The following ADSS1 variants were observed in gnomAD, a reference collection of about 807,000 sequenced individuals.
The protein encoded by ADSS1 is adenylosuccinate synthetase isozyme 1.
ADSS1 carries 57 observed loss-of-function variants against 59.1 expected under a neutral mutation model. The ratio of observed to expected loss-of-function variants is 0.97; its 90% confidence interval spans 0.78 to 1.20. ADSS1 has a LOEUF of 1.20. Ranked by LOEUF, ADSS1 falls within the 50% of genes most tolerant of loss-of-function variation. The pLI, the probability that ADSS1 is intolerant of heterozygous loss-of-function variation, is 0.00. For missense variants in ADSS1, 603 were observed against 610.3 expected, an observed-to-expected ratio of 0.99 and a Z score of 0.13; for synonymous variants, 247 against 249.4, an observed-to-expected ratio of 0.99 and a Z score of 0.09.
At chr14:104,733,315 TCCTGC>T (rs1228414204) in intron 1 of ADSS1, among the ~76,000 whole-genome samples, 1 of 152,136 alleles carries the variant, frequency 6.6e-6, no homozygotes, top group African/African-American at 2.4e-5. Context: ...AGGTGGGGAC[TCCTGC>T]CCTGCGAAGG....
chr14:104,738,404 C>T lies in ADSS1; in HGVS notation c.324C>T (p.Gly108=). The T allele has an allele frequency of 6.2e-7, 1 of 1,614,006 alleles. No homozygotes were observed. Among genetic ancestry groups the T allele is most frequent in the East Asian group, 2.2e-5 (1 of 44,884 alleles). Residue 108 remains glycine (G), a synonymous_variant, in exon 3 of 13, where the codon GGC becomes GGT. Transcript: ENST00000330877. ...ACGGGGTGGTCATCCACTTGCCAGG[C>T]TTGTTTGAGGAAGCAGAGAAGAATG... ...IGNGVVIHLP[G]LFEEAEKNEK...
chr14:104,741,010 G>A, intron 7 of ADSS1, 90 bp downstream of exon 7: 1 of 1,606,004 alleles, frequency 6.2e-7, no homozygotes, highest in Non-Finnish European at 8.5e-7. Context: ...CACCCTTGGG[G>A]CACACCTGAT....
intron 1 of ADSS1, 43 bp downstream of exon 1, chr14:104,724,505 G>GC: frequency 2.7e-6 from 3 of 1,092,658 alleles, no homozygotes; most frequent in Non-Finnish European, 3.4e-6. Flanking sequence ...CGCCCAGCGA[G>GC]CCCCCCTCCC....
rs779728240 is a variant in ADSS1 at position 104,746,377 on chromosome 14, G to T, written c.1313G>T (p.Gly438Val). ...NYIRFVENHV[G>V]VAVKWVGVGK... ...ATCCGCTTTGTGGAGAATCACGTGGGAGTCGCAGGTGGGTGCCCTGCATCC... is the reference window on the plus strand; with the variant it reads ...ATCCGCTTTGTGGAGAATCACGTGGTAGTCGCAGGTGGGTGCCCTGCATCC... The change falls in exon 12 of 13, where the codon GGA (glycine) becomes GTA (valine). Residue 438 changes from glycine (G) to valine (V), a missense_variant. Gly to Val is a moderately radical substitution (Grantham distance 109). Transcript: ENST00000330877. The T allele has an allele frequency of 4.8e-5, 78 of 1,611,530 alleles. No individual in the cohort carries two copies. The highest frequency in any genetic ancestry group is 6.4e-5 in the Non-Finnish European group (76 of 1,178,634).
At position 104,740,419 on chromosome 14, in the gene ADSS1, C is replaced by T. The variant is rs970561528; in HGVS notation, c.477-182C>T. Among the ~76,000 whole-genome samples, 6 of 152,196 alleles carry T rather than the reference C, an allele frequency of 3.9e-5. No individual in the cohort carries two copies. In the South Asian group the frequency reaches 6.2e-4, roughly 16 times the overall value. On this transcript the variant is annotated intron_variant, in intron 5 of 12. Transcript: ENST00000330877. This position sits in a 1 kb window ranked among gnomAD's most constrained non-coding sequence, Gnocchi z 4.8. ...GCACACATCCACCCACAGGCACACA[C>T]CATACCAGTACATCCATGCTAGTGC...
In ADSS1 at chr14:104,730,379, A is replaced by G. The variant is rs146201757; in HGVS notation, c.193-4641A>G. Among the ~76,000 whole-genome samples, 589 of 152,254 alleles carry G rather than the reference A, an allele frequency of 3.9e-3. 5 individuals carry two copies. Among genetic ancestry groups the G allele is most frequent in the African/African-American group, 0.014 (571 of 41,538 alleles). ...CTGGTGGGCGCCTGTAGTCCCAGCT[A>G]CTGGGGAGGGTGAGGTGGTAGAATA... On this transcript the variant is annotated intron_variant, in intron 1 of 12. Transcript: ENST00000330877.
At position 104,746,288 on chromosome 14, in the gene ADSS1, G is replaced by A; in HGVS notation, c.1224G>A (p.Gly408=). 1 of 1,613,800 alleles carries A rather than the reference G, an allele frequency of 6.2e-7. No individual in the cohort carries two copies. Among genetic ancestry groups the A allele is most frequent in the Non-Finnish European group, 8.5e-7 (1 of 1,179,918 alleles). ...KVEVEYETLP[G]WKADTTGARR... ...AAGTTGAGTATGAAACGCTGCCTGG[G>A]TGGAAAGCAGACACCACAGGCGCCA... The change falls in exon 12 of 13, where the codon GGG becomes GGA. Residue 408 remains glycine (G), a synonymous_variant. Coordinates refer to ENST00000330877, the MANE Select transcript of ADSS1 (RefSeq NM_152328.5).
intron 2 of ADSS1, chr14:104,737,163 C>CT (rs983680064): frequency 6.6e-6 from 1 of 151,762 alleles, no homozygotes; most frequent in African/African-American, 2.4e-5. Context: ...TCTGGACAAA[C>CT]GTATGCTGTG....
At position 104,740,522 on chromosome 14, in the gene ADSS1, G is replaced by A. The variant is rs1024047678; in HGVS notation, c.477-79G>A. ...GTGGGCACTGGAGTCATGAGCCGGCGGGGGTCATGGCCTCAGTGGGATGCC... is the reference window on the plus strand; with the variant it reads ...GTGGGCACTGGAGTCATGAGCCGGCAGGGGTCATGGCCTCAGTGGGATGCC... On this transcript the variant is annotated intron_variant, in intron 5 of 12. Coordinates refer to ENST00000330877, the MANE Select transcript of ADSS1 (RefSeq NM_152328.5). This position sits in a 1 kb window ranked among gnomAD's most constrained non-coding sequence, Gnocchi z 4.8. 15 of 1,308,892 alleles carry A rather than the reference G, an allele frequency of 1.1e-5. No homozygotes were observed. The highest frequency in any genetic ancestry group is 2.4e-5 in the South Asian group (2 of 82,244). The allele number at this position is 1,308,892 out of a possible 1,614,324, so 81.1% of individuals were successfully genotyped here. A position where few individuals can be genotyped will look rare whatever the true frequency, so the allele number is the denominator to read the frequency against.
chr14:104,727,384 G>A (rs185412797), intron 1 of ADSS1, among the ~76,000 whole-genome samples: 338 of 151,798 alleles, frequency 2.2e-3, no homozygotes, highest in Non-Finnish European at 3.9e-3. Context: ...GGGTCTGTTC[G>A]GCTGCACTAT....
intron 2 of ADSS1, chr14:104,737,276 A>G (rs1003529014): frequency 2.0e-5 from 3 of 151,972 alleles, no homozygotes; most frequent in African/African-American, 7.3e-5. Context: ...GCAGCCACTC[A>G]CCTTATGCTG....
chr14:104,732,627 G>A lies in ADSS1; in HGVS notation c.193-2393G>A, dbSNP rs118005867. 2.2e-3 allele frequency among the ~76,000 whole-genome samples: 341 copies of A among 152,368 alleles called. 3 individuals are homozygous for A. In the South Asian group the frequency reaches 0.028, roughly 12 times the overall value. ...AGAGCCAGGGTGTGCCTAGCAGGGC[G>A]TTCCTGGGCCTGTTGACGTGGGCAC... is the stretch of plus-strand genomic sequence containing the variant. On this transcript the variant is annotated intron_variant, in intron 1 of 12. Coordinates refer to ENST00000330877, the MANE Select transcript of ADSS1 (RefSeq NM_152328.5).
At chr14:104,746,863 C>T in intron 12 of ADSS1, 88 bp from the exon 13 acceptor site, 1 of 1,375,660 alleles carries the variant, frequency 7.3e-7, no homozygotes, top group Non-Finnish European at 1.0e-6. Context: ...ACCATTTGAA[C>T]TACACAGAAA....
intron 4 of ADSS1, 99 bp from the exon 5 acceptor site, chr14:104,739,651 C>A: frequency 7.4e-7 from 1 of 1,358,430 alleles, no homozygotes; most frequent in Non-Finnish European, 1.0e-6. Flanking sequence ...CACCCCCTTC[C>A]CAGGAGACTC....
intron 1 of ADSS1, among the ~76,000 whole-genome samples, chr14:104,732,720 C>T (rs761862117): frequency 3.9e-5 from 6 of 152,224 alleles, no homozygotes; most frequent in Non-Finnish European, 7.4e-5. Flanking sequence ...CCTGCCCCCC[C>T]GCCCAGGCGG....
At chr14:104,735,180 G>A in intron 2 of ADSS1, 58 bp downstream of exon 2, 5 of 1,496,106 alleles carry the variant, frequency 3.3e-6, no homozygotes, top group East Asian at 2.5e-5. Flanking sequence ...GCCAGCCCAG[G>A]AGCCCCACGC....
chr14:104,738,259 A>G (rs1480649036), intron 2 of ADSS1, 117 bp from the exon 3 acceptor site: 11 of 1,041,194 alleles, frequency 1.1e-5, no homozygotes, highest in Non-Finnish European at 1.6e-5. Flanking sequence ...CAGCCTCCCA[A>G]AGTGCTAGGA....
chr14:104,731,731 C>A (rs1192260626), intron 1 of ADSS1, among the ~76,000 whole-genome samples: 2 of 152,224 alleles, frequency 1.3e-5, no homozygotes, highest in African/African-American at 4.8e-5. Context: ...CACACACTCG[C>A]CCTGGCTCTT....
At chr14:104,729,961 C>T in intron 1 of ADSS1, 1 of 1,588,860 alleles carries the variant, frequency 6.3e-7, no homozygotes, top group Non-Finnish European at 8.6e-7. Context: ...CGAACCTGGC[C>T]CTGACCCTCA....
Sources: allele counts gnomAD v4.1 joint callset (sites outside exome capture counted in the v4.1 genomes callset), GRCh38; gene constraint gnomAD v4.1.1; non-coding constraint Gnocchi (gnomAD v3.1); transcripts MANE v1.5; gene names NCBI Gene and HGNC (gene_info 2026-07-23, HGNC 2026-07-21).